The following FUT9 variants were observed in gnomAD, a reference collection of about 807,000 sequenced individuals.
FUT9 encodes the protein fucosyltransferase 9.
A neutral mutation model predicts 29.7 loss-of-function variants in FUT9; 15 were observed. The observed-to-expected ratio is 0.51, with a 90% CI of 0.34 to 0.78. The LOEUF (loss-of-function observed/expected upper bound fraction) is 0.78, where lower values mean the gene tolerates loss of function less well. Among genes scored for constraint, FUT9 ranks in the 30% least tolerant of loss-of-function variants. The pLI, the probability that FUT9 is intolerant of heterozygous loss-of-function variation, is 0.01. For missense variants in FUT9, 319 were observed against 425.4 expected (o/e 0.75, Z 2.20); for synonymous variants, 169 against 153.7 (o/e 1.10, Z -0.74).
At chr6:96,126,128 T>A (rs1344445738) in intron 2 of FUT9, among the ~76,000 whole-genome samples, 2 of 152,160 alleles carry the variant, frequency 1.3e-5, no homozygotes, top group Non-Finnish European at 2.9e-5. Context: ...CCTCTGTATG[T>A]TTCATTAGTC....
At chr6:96,137,560 A>G (rs2127971733) in intron 2 of FUT9, among the ~76,000 whole-genome samples, 1 of 152,170 alleles carries the variant, frequency 6.6e-6, no homozygotes, top group South Asian at 2.1e-4. Flanking sequence ...CCTGATAAAC[A>G]TTGCCTCAGC....
chr6:96,052,049 A>G (rs1433146838), intron 1 of FUT9, among the ~76,000 whole-genome samples: 4 of 152,158 alleles, frequency 2.6e-5, no homozygotes, highest in African/African-American at 7.2e-5. Flanking sequence ...ACAGTTCTGC[A>G]TGGCTGGGGA....
intron 1 of FUT9, among the ~76,000 whole-genome samples, chr6:96,057,227 T>C (rs1325968569): frequency 1.3e-5 from 2 of 152,240 alleles, no homozygotes; most frequent in African/African-American, 2.4e-5. Context: ...GTTGGATAGA[T>C]GAAAACAGCT....
intron 1 of FUT9, among the ~76,000 whole-genome samples, chr6:96,017,505 T>A (rs1323115748): frequency 2.0e-5 from 3 of 152,102 alleles, no homozygotes; most frequent in Admixed American, 6.5e-5. Context: ...AATAATAAAA[T>A]TTGTGCTCTC....
Position 96,027,686 on chromosome 6 carries a change from T to C in FUT9, c.-98+11474T>C, listed in dbSNP as rs554790865. Among the ~76,000 whole-genome samples, 57 of 151,668 alleles carry C rather than the reference T, an allele frequency of 3.8e-4. 1 individual carries two copies. Among genetic ancestry groups the C allele is most frequent in the Non-Finnish European group, 6.5e-4 (44 of 67,730 alleles). On this transcript the variant is annotated intron_variant, in intron 1 of 2. Transcript: ENST00000302103. ...CTGTCTCTAAGGGACAGCTGCCCTTTCCTTCTGTGCAGTGAACTTGAAGGA... is the reference window on the plus strand; with the variant it reads ...CTGTCTCTAAGGGACAGCTGCCCTTCCCTTCTGTGCAGTGAACTTGAAGGA...
intron 1 of FUT9, among the ~76,000 whole-genome samples, chr6:96,041,539 C>G (rs1197925802): frequency 6.6e-6 from 1 of 152,168 alleles, no homozygotes; most frequent in Non-Finnish European, 1.5e-5. Flanking sequence ...TTTAGAGCTA[C>G]TGGCAGTGTG....
At chr6:96,130,242 G>C (rs922918938) in intron 2 of FUT9, among the ~76,000 whole-genome samples, 1 of 152,018 alleles carries the variant, frequency 6.6e-6, no homozygotes, top group Non-Finnish European at 1.5e-5. Flanking sequence ...AGGAAAATAA[G>C]TTAAAATTTG....
Position 96,024,330 on chromosome 6 carries a change from T to G in FUT9, c.-98+8118T>G, listed in dbSNP as rs559685004. Among the ~76,000 whole-genome samples, 98 of 151,888 alleles carry G rather than the reference T, an allele frequency of 6.5e-4. 1 individual carries two copies. The highest frequency in any genetic ancestry group is 2.3e-3 in the African/African-American group (97 of 41,484). On this transcript the variant is annotated intron_variant, in intron 1 of 2. Coordinates refer to ENST00000302103, the MANE Select transcript of FUT9 (RefSeq NM_006581.4). ...TAGTAATATTTCTCTTTAAATAAGC[T>G]GAGATTATGGGAGAAGGGGACAGAA...
At chr6:96,071,017 A>C (rs1227298527) in intron 1 of FUT9, among the ~76,000 whole-genome samples, 2 of 152,194 alleles carry the variant, frequency 1.3e-5, no homozygotes, top group African/African-American at 4.8e-5. Context: ...AAATATGAGC[A>C]CTCTCAAAAT....
intron 2 of FUT9, among the ~76,000 whole-genome samples, chr6:96,156,648 C>G (rs1772790988): frequency 6.6e-6 from 1 of 152,106 alleles, no homozygotes; most frequent in Non-Finnish European, 1.5e-5. Context: ...TGTACAAGTT[C>G]CCTTATCTGC....
rs118097750 is a variant in FUT9 at position 96,087,015 on chromosome 6, A to T, written c.-97-27024A>T. Among the ~76,000 whole-genome samples, 896 of 152,278 alleles carry T rather than the reference A, an allele frequency of 5.9e-3. 7 individuals are homozygous for T. Among genetic ancestry groups the T allele is most frequent in the Admixed American group, 9.7e-3 (148 of 15,294 alleles). ...ACACATGCCATCTCAACACATGGGG[A>T]TCAGCAAGGAGACAAACGTTACGCA... is the stretch of plus-strand genomic sequence containing the variant. On this transcript the variant is annotated intron_variant, in intron 1 of 2. Transcript: ENST00000302103.
rs993854752 is a variant in FUT9, at chr6:96,213,280, G to A, written c.*9045G>A. ...TCTCTTGCCTCATTCCCTCAAGAAT[G>A]CACATATAGACACACATATGCCAAT... On this transcript the variant is annotated 3_prime_UTR_variant, in exon 3 of 3. Transcript: ENST00000302103. 3 of 166,814 alleles carry A rather than the reference G, an allele frequency of 1.8e-5. No homozygotes were observed. In the East Asian group the frequency reaches 5.8e-4, roughly 32 times the overall value. The allele number at this position is 166,814 out of a possible 1,614,324, so 10.3% of individuals were successfully genotyped here. A position where few individuals can be genotyped will look rare whatever the true frequency, so the allele number is the denominator to read the frequency against.
At chr6:96,168,237 G>A (rs1452316260) in intron 2 of FUT9, among the ~76,000 whole-genome samples, 2 of 152,162 alleles carry the variant, frequency 1.3e-5, no homozygotes, top group African/African-American at 2.4e-5. Flanking sequence ...GAAGGATCAA[G>A]CAGGCATCTT....
chr6:96,122,024 G>A (rs529312744), intron 2 of FUT9, among the ~76,000 whole-genome samples: 104 of 152,014 alleles, frequency 6.8e-4, no homozygotes, highest in African/African-American at 2.0e-3. Flanking sequence ...GATGAGATGC[G>A]CTGGGTAGCC....
At chr6:96,124,153 C>CTTTTTTTTTTTTTTTTTTTT (rs35122970) in intron 2 of FUT9, among the ~76,000 whole-genome samples, 2 of 125,062 alleles carry the variant, frequency 1.6e-5, no homozygotes, top group African/African-American at 6.0e-5. Context: ...TTTCTTTTTT[C>CTTTTTTTTTTTTTTTTTTTT]TTTTTTTTTT....
chr6:96,119,896 T>C (rs1465157392), intron 2 of FUT9, among the ~76,000 whole-genome samples: 2 of 152,154 alleles, frequency 1.3e-5, no homozygotes, highest in Non-Finnish European at 2.9e-5. Context: ...TTGAGGAACT[T>C]CTTGAATATG....
chr6:96,059,685 A>G (rs555358270), intron 1 of FUT9, among the ~76,000 whole-genome samples: 1 of 152,306 alleles, frequency 6.6e-6, no homozygotes, highest in East Asian at 1.9e-4. Context: ...GAAGATGACT[A>G]ATTTTTAGTG....
chr6:96,189,165 G>C (rs1773459921), intron 2 of FUT9, among the ~76,000 whole-genome samples: 1 of 151,994 alleles, frequency 6.6e-6, no homozygotes, highest in Non-Finnish European at 1.5e-5. Context: ...GTAGAACTGA[G>C]AGCTAAAAAG....
chr6:96,173,684 C>T (rs1369795859), intron 2 of FUT9, among the ~76,000 whole-genome samples: 1 of 151,944 alleles, frequency 6.6e-6, no homozygotes, highest in African/African-American at 2.4e-5. Context: ...AAGAATTTGG[C>T]AAGATGAAAC....
Sources: allele counts gnomAD v4.1 joint callset (sites outside exome capture counted in the v4.1 genomes callset), GRCh38; gene constraint gnomAD v4.1.1; transcripts MANE v1.5; gene names NCBI Gene and HGNC (gene_info 2026-07-23, HGNC 2026-07-21).